Variants in PIP4K2B observed in about 807,000 individuals in gnomAD.
PIP4K2B encodes phosphatidylinositol 5-phosphate 4-kinase type-2 beta.
A neutral mutation model predicts 42.0 loss-of-function variants in PIP4K2B; 3 were observed. The observed-to-expected ratio is 0.07, with a 90% CI of 0.03 to 0.18. PIP4K2B has a LOEUF of 0.18. PIP4K2B is among the 10% of genes least tolerant of loss of function. The probability of loss-of-function intolerance (pLI) is 1.00; values close to 1 mark genes in which losing one functional copy is unlikely to be tolerated. For synonymous variants in PIP4K2B, 204 were observed against 210.1 expected (o/e 0.97, Z 0.25); for missense variants, 332 against 562.3 (o/e 0.59, Z 4.14).
chr17:38,794,338 G>C (rs560119353), intron 1 of PIP4K2B, among the ~76,000 whole-genome samples: 2 of 152,036 alleles, frequency 1.3e-5, no homozygotes, highest in African/African-American at 4.8e-5. Flanking sequence ...GAAATGGGGA[G>C]TTAATTGGTA....
At chr17:38,774,940 TTG>T (rs144917475) in intron 7 of PIP4K2B, among the ~76,000 whole-genome samples, 8,847 of 149,380 alleles carry the variant, frequency 0.059, 860 homozygotes, top group African/African-American at 0.2. Context: ...TAATCAGTTT[TTG>T]TGTGTGTGTG....
Position 38,779,373 on chromosome 17 carries a change from AG to A in PIP4K2B, c.654+9del. ...GGAGGCACAGCTCCGGCAAACACAG[AG>A]CCCTTTACCTTGAGGTCATACTTGC... On this transcript the variant is annotated intron_variant, in intron 5 of 9. Transcript: ENST00000619039. 6.3e-7 allele frequency: 1 copy of A among 1,598,442 alleles called. No homozygotes were observed. The highest frequency in any genetic ancestry group is 1.7e-5 in the Admixed American group (1 of 59,848).
In PIP4K2B at chr17:38,771,281, G is replaced by A. The variant is rs756788819; in HGVS notation, c.808-9C>T. The A allele has an allele frequency of 1.7e-5, 28 of 1,613,812 alleles. No homozygotes were observed. The East Asian group carries it at 6.2e-4, about 36-fold the overall frequency. ...TTCAGCTGTGCCAAGAACTAGGAAG[G>A]GCAAGGATGGAAAGATGGAAGGAAG... is the stretch of plus-strand genomic sequence containing the variant. On this transcript the variant is annotated splice_polypyrimidine_tract_variant and intron_variant, in intron 7 of 9. Transcript: ENST00000619039.
At chr17:38,771,331 T>C in intron 7 of PIP4K2B, 59 bp from the exon 8 acceptor site, 1 of 1,585,374 alleles carries the variant, frequency 6.3e-7, no homozygotes, top group Non-Finnish European at 8.6e-7. Context: ...GACATCCCAG[T>C]GACATCCAGA....
intron 1 of PIP4K2B, among the ~76,000 whole-genome samples, chr17:38,798,268 C>T (rs1874880019): frequency 6.6e-6 from 1 of 152,186 alleles, no homozygotes; most frequent in Admixed American, 6.5e-5. Flanking sequence ...CCTTTTACTT[C>T]CTCTGCTCAT....
chr17:38,790,848 G>A (rs1910306473), intron 1 of PIP4K2B, among the ~76,000 whole-genome samples: 1 of 152,158 alleles, frequency 6.6e-6, no homozygotes, highest in South Asian at 2.1e-4. Context: ...TAGGCCACAT[G>A]TAGATGATTC....
At chr17:38,783,409 C>T (rs1273832324) in intron 3 of PIP4K2B, among the ~76,000 whole-genome samples, 2 of 152,112 alleles carry the variant, frequency 1.3e-5, no homozygotes, top group Non-Finnish European at 2.9e-5. Context: ...ATGGCCTCTA[C>T]AACACTGTCA....
chr17:38,789,963 G>A (rs550341445), intron 1 of PIP4K2B, among the ~76,000 whole-genome samples: 2 of 152,254 alleles, frequency 1.3e-5, no homozygotes, highest in African/African-American at 4.8e-5. Flanking sequence ...GGGGTGCTGA[G>A]TGTAAAGGGA....
rs376323831 is a variant in PIP4K2B, at chr17:38,777,816, C to T, written c.694-16G>A. The T allele has an allele frequency of 3.6e-5, 56 of 1,574,542 alleles. No homozygotes were observed. In the Middle Eastern group the frequency reaches 5.0e-4, roughly 14 times the overall value. On this transcript the variant is annotated splice_polypyrimidine_tract_variant and intron_variant, in intron 6 of 9. Transcript: ENST00000619039. ...AGTCCTTGGCCTAGGAGAGCAACAG[C>T]AGTTAGGCTGGGTAAGCCTGATTAA... is the stretch of plus-strand genomic sequence containing the variant.
At chr17:38,784,175 ACCTGT>A (rs1909868911) in intron 3 of PIP4K2B, 63 bp downstream of exon 3, 1 of 921,310 alleles carries the variant, frequency 1.1e-6, no homozygotes, top group Admixed American at 1.9e-5. Flanking sequence ...TTGATTCTCT[ACCTGT>A]CCTGTGGCTT....
intron 8 of PIP4K2B, 42 bp from the exon 9 acceptor site, chr17:38,770,581 G>T: frequency 8.9e-7 from 1 of 1,120,982 alleles, no homozygotes; most frequent in Non-Finnish European, 1.4e-6. Context: ...AGAGGGGGCA[G>T]GAGAAGGGCA....
In PIP4K2B at chr17:38,799,368, G is replaced by A. The variant is rs924706383; in HGVS notation, c.57C>T (p.Ser19=). The A allele has an allele frequency of 6.2e-7, 1 of 1,609,294 alleles. No individual in the cohort carries two copies. Among genetic ancestry groups the A allele is most frequent in the African/African-American group, 1.3e-5 (1 of 74,514 alleles). ...TAVAVAPLSA[S]KTKTKKKHFV... is the part of the protein sequence containing the mutation. Reference sequence around the variant, plus strand: ...AATGCTTCTTCTTGGTCTTGGTCTTGCTGGCGCTGAGCGGCGCCACCGCCA... The same window carrying A: ...AATGCTTCTTCTTGGTCTTGGTCTTACTGGCGCTGAGCGGCGCCACCGCCA... The change falls in exon 1 of 10, where the codon AGC becomes AGT. Residue 19 remains serine, a synonymous_variant. Coordinates refer to ENST00000619039, the MANE Select transcript of PIP4K2B (RefSeq NM_003559.5). This position sits in a 1 kb window ranked among gnomAD's most constrained non-coding sequence, Gnocchi z 4.4.
In PIP4K2B at chr17:38,799,430, G is replaced by GGGCGGCGGC. The variant is rs538543660; in HGVS notation, c.-15_-7dup. On this transcript the variant is annotated 5_prime_UTR_variant, in exon 1 of 10. Transcript: ENST00000619039. This position sits in a 1 kb window ranked among gnomAD's most constrained non-coding sequence, Gnocchi z 4.4. ...CTGGTGCAGTTGGACGACATGCCCG[G>GGGCGGCGGC]GGCGGCGGCGGCGGCGGCGAAAGAG... is the stretch of plus-strand genomic sequence containing the variant. 1.9e-6 allele frequency: 3 copies of GGGCGGCGGC among 1,574,946 alleles called. No individual in the cohort carries two copies. Among genetic ancestry groups the GGGCGGCGGC allele is most frequent in the South Asian group, 1.1e-5 (1 of 88,792 alleles).
rs1239643197 is a variant in PIP4K2B, at chr17:38,799,015, C to T, written c.159+251G>A. 6.6e-6 allele frequency among the ~76,000 whole-genome samples: 1 copy of T among 152,204 alleles called. No individual in the cohort carries two copies. The highest frequency in any genetic ancestry group is 1.5e-5 in the Non-Finnish European group (1 of 68,028). On this transcript the variant is annotated intron_variant, in intron 1 of 9. Coordinates refer to ENST00000619039, the MANE Select transcript of PIP4K2B (RefSeq NM_003559.5). This position sits in a 1 kb window ranked among gnomAD's most constrained non-coding sequence, Gnocchi z 4.4. The stretch of plus-strand genomic sequence containing the variant: ...TGGGCTGCCCCAAGCGAGCACGCCA[C>T]ACGCAGGAAGCCAGAAGGGCTGGAG...
At position 38,779,583 on chromosome 17, in the gene PIP4K2B, G is replaced by T. The variant is rs887093149; in HGVS notation, c.508-54C>A. The stretch of plus-strand genomic sequence containing the variant: ...CTAAGGAACAGGCAGTGCCAGGGAT[G>T]GATGGGGCTCACCCCAGACTAAAAT... On this transcript the variant is annotated intron_variant, in intron 4 of 9. Coordinates refer to ENST00000619039, the MANE Select transcript of PIP4K2B (RefSeq NM_003559.5). The T allele has an allele frequency of 1.4e-4, 220 of 1,538,882 alleles. 2 individuals carry two copies. In the Admixed American group the frequency reaches 3.7e-3, roughly 26 times the overall value.
At chr17:38,776,250 A>G (rs1028796179) in intron 7 of PIP4K2B, among the ~76,000 whole-genome samples, 1 of 152,098 alleles carries the variant, frequency 6.6e-6, no homozygotes, top group Non-Finnish European at 1.5e-5. Context: ...GATTACAGGC[A>G]TGAGCCACCT....
Position 38,778,272 on chromosome 17 carries a change from G to A in PIP4K2B, c.693+62C>T, listed in dbSNP as rs575044024. ...GGCTGGGGTGGGCGAGGGACAGGAT[G>A]GCCGACAGGAGTTGTTTCTGACTCC... On this transcript the variant is annotated intron_variant, in intron 6 of 9. Coordinates refer to ENST00000619039, the MANE Select transcript of PIP4K2B (RefSeq NM_003559.5). The A allele has an allele frequency of 1.4e-5, 21 of 1,499,908 alleles. No individual in the cohort carries two copies. The South Asian group carries it at 2.4e-4, about 17-fold the overall frequency. 92.9% of individuals were successfully genotyped at this position (1,499,908 alleles called of 1,614,324 possible).
intron 4 of PIP4K2B, 97 bp downstream of exon 4, chr17:38,780,355 C>T: frequency 9.6e-7 from 1 of 1,042,306 alleles, no homozygotes; most frequent in South Asian, 1.8e-5. Flanking sequence ...GCTGCCATTA[C>T]CAGAGAGGAC....
intron 1 of PIP4K2B, among the ~76,000 whole-genome samples, chr17:38,793,942 T>C (rs148056742): frequency 2.0e-5 from 3 of 150,008 alleles, no homozygotes; most frequent in East Asian, 1.9e-4. Context: ...GGGTGGAATG[T>C]AGGAGAGAAA....
Sources: allele counts gnomAD v4.1 joint callset (sites outside exome capture counted in the v4.1 genomes callset), GRCh38; gene constraint gnomAD v4.1.1; non-coding constraint Gnocchi (gnomAD v3.1); transcripts MANE v1.5; gene names NCBI Gene and HGNC (gene_info 2026-07-23, HGNC 2026-07-21).